The following DAB2IP variants were observed in gnomAD, a reference collection of about 807,000 sequenced individuals.
DAB2IP encodes DAB2 interacting protein.
In DAB2IP, 28 loss-of-function variants were observed where a neutral mutation model predicts 107.2. That is an observed-to-expected ratio of 0.26 (90% confidence interval 0.19 to 0.36). The LOEUF (loss-of-function observed/expected upper bound fraction) is 0.36. Among genes scored for constraint, DAB2IP ranks in the 10% least tolerant of loss-of-function variants. The probability of loss-of-function intolerance (pLI) is 1.00; values close to 1 mark genes in which losing one functional copy is unlikely to be tolerated. For missense variants in DAB2IP, 1,400 were observed against 1,644.7 expected, an observed-to-expected ratio of 0.85 and a Z score of 2.57; for synonymous variants, 755 against 706.4, an observed-to-expected ratio of 1.07 and a Z score of -1.09.
chr9:121,783,512 CTG>C (rs764067943), exon 16 of DAB2IP: 204 of 1,614,030 alleles, frequency 1.3e-4, no homozygotes, highest in Non-Finnish European at 1.6e-4. Context: ...AGGTGGATAA[CTG>C]TGATTTTTTT....
chr9:121,754,838 G>T (rs1833365625), intron 3 of DAB2IP, among the ~76,000 whole-genome samples: 1 of 152,180 alleles, frequency 6.6e-6, no homozygotes, highest in Non-Finnish European at 1.5e-5. Context: ...TCCACAGCCA[G>T]CTCATTCATG....
chr9:121,629,112 A>C (rs1831777557), intron 1 of DAB2IP, among the ~76,000 whole-genome samples: 2 of 152,190 alleles, frequency 1.3e-5, no homozygotes, highest in Non-Finnish European at 2.9e-5. Context: ...AGACTCAGTG[A>C]TGGACCCAAG....
chr9:121,676,156 C>A (rs1833895991), intron 1 of DAB2IP, among the ~76,000 whole-genome samples: 2 of 152,204 alleles, frequency 1.3e-5, no homozygotes, highest in African/African-American at 2.4e-5. Flanking sequence ...CGGGCCTGAA[C>A]CAGTCTCAGG....
At chr9:121,710,496 C>G (rs1830286516) in intron 3 of DAB2IP, among the ~76,000 whole-genome samples, 1 of 152,228 alleles carries the variant, frequency 6.6e-6, no homozygotes, top group East Asian at 1.9e-4. Context: ...TTCTGTGGCT[C>G]CCCCAGGGTT....
intron 1 of DAB2IP, among the ~76,000 whole-genome samples, chr9:121,569,096 A>AG (rs780028597): frequency 3.2e-4 from 49 of 152,296 alleles, no homozygotes; most frequent in Non-Finnish European, 6.2e-4. Context: ...CCAGCTGGAG[A>AG]GGGGTCTGGC....
At chr9:121,657,864 T>A (rs1833032892) in intron 1 of DAB2IP, among the ~76,000 whole-genome samples, 1 of 152,196 alleles carries the variant, frequency 6.6e-6, no homozygotes, top group South Asian at 2.1e-4. Flanking sequence ...AGATGGATAC[T>A]TATGGCTCCA....
chr9:121,587,635 A>G (rs1260951245), intron 1 of DAB2IP, among the ~76,000 whole-genome samples: 1 of 150,920 alleles, frequency 6.6e-6, no homozygotes, highest in Non-Finnish European at 1.5e-5. Flanking sequence ...AAAAAAGAAT[A>G]GGGTTGAGAG....
At chr9:121,783,480 C>A (rs1280099111) in exon 16 of DAB2IP, 1 of 1,613,938 alleles carries the variant, frequency 6.2e-7, no homozygotes, top group Non-Finnish European at 8.5e-7. Context: ...AAAAAAGATT[C>A]TAACGCCTGC....
chr9:121,780,833 T>C (rs1295849468), intron 14 of DAB2IP, among the ~76,000 whole-genome samples: 1 of 152,136 alleles, frequency 6.6e-6, no homozygotes, highest in Non-Finnish European at 1.5e-5. Flanking sequence ...CTACTGCTCA[T>C]TGTTCTGCCT....
intron 3 of DAB2IP, among the ~76,000 whole-genome samples, chr9:121,732,435 A>T (rs1221518787): frequency 2.0e-5 from 3 of 152,164 alleles, no homozygotes; most frequent in African/African-American, 7.2e-5. Flanking sequence ...GGGGCCTGGC[A>T]GGCGGAGGTG....
intron 3 of DAB2IP, among the ~76,000 whole-genome samples, chr9:121,749,525 C>A (rs1055570943): frequency 2.0e-5 from 3 of 152,306 alleles, no homozygotes; most frequent in Admixed American, 6.5e-5. Context: ...CAGGATTTCT[C>A]TTCCTTCCAG....
At chr9:121,579,253 G>A (rs1396868336) in intron 1 of DAB2IP, among the ~76,000 whole-genome samples, 1 of 152,170 alleles carries the variant, frequency 6.6e-6, no homozygotes, top group Non-Finnish European at 1.5e-5. Context: ...ATCTAGCAGA[G>A]AATGAGGCCT....
chr9:121,567,815 G>A (rs1405887913), intron 1 of DAB2IP, among the ~76,000 whole-genome samples: 2 of 152,154 alleles, frequency 1.3e-5, no homozygotes, highest in East Asian at 3.9e-4. Context: ...TATAAGACTC[G>A]GAAGGGTTCC....
rs549888696 is a variant in DAB2IP, at chr9:121,776,732, G to A, written c.3314+341G>A. On this transcript the variant is annotated intron_variant, in intron 14 of 15. Transcript: ENST00000408936. The surrounding 1 kb of genome is among the most constrained non-coding windows in gnomAD (Gnocchi z 5.4). ...GGATTGGGGGGTGCCAGGAAAGACA[G>A]GGAGGACCCCAATACAGGGTAAGAA... is the stretch of plus-strand genomic sequence containing the variant. Among the ~76,000 whole-genome samples, 69 of 152,208 alleles carry A rather than the reference G, an allele frequency of 4.5e-4. No individual in the cohort carries two copies. The South Asian group carries it at 7.7e-3, about 17-fold the overall frequency.
chr9:121,694,846 GGCAGCAGCCTTGT>G lies in DAB2IP; in HGVS notation c.229-4462_229-4450del, dbSNP rs571565899. Among the ~76,000 whole-genome samples, 53 of 152,286 alleles carry G rather than the reference GGCAGCAGCCTTGT, an allele frequency of 3.5e-4. 1 individual carries two copies. In the East Asian group the frequency reaches 7.1e-3, roughly 21 times the overall value. ...GGAATGAGCTGGGGGGGTGGCACCA[GGCAGCAGCCTTGT>G]GCAGCAGCCTTGTGCAAAAGCCCTG... On this transcript the variant is annotated intron_variant, in intron 2 of 15. Transcript: ENST00000408936.
chr9:121,708,078 G>T (rs1830151070), intron 3 of DAB2IP, among the ~76,000 whole-genome samples: 1 of 152,208 alleles, frequency 6.6e-6, no homozygotes, highest in Non-Finnish European at 1.5e-5. Flanking sequence ...ATACCCTCTG[G>T]GTGGGGTGGT....
In DAB2IP at chr9:121,701,968, A is replaced by G. The variant is rs905470632; in HGVS notation, c.362+2510A>G. 6.6e-6 allele frequency among the ~76,000 whole-genome samples: 1 copy of G among 152,030 alleles called. No homozygotes were observed. ...GGCTGGGGAGAGGGTAAGTGCCAAGACGCTAGCCTCAGTGAGTGGGTGGGA... is the reference window on the plus strand; with the variant it reads ...GGCTGGGGAGAGGGTAAGTGCCAAGGCGCTAGCCTCAGTGAGTGGGTGGGA... On this transcript the variant is annotated intron_variant, in intron 3 of 15. Coordinates refer to ENST00000408936, the Ensembl canonical transcript of DAB2IP. The surrounding 1 kb of genome is among the most constrained non-coding windows in gnomAD (Gnocchi z 4.7).
At chr9:121,644,882 G>A (rs1832485470) in intron 1 of DAB2IP, among the ~76,000 whole-genome samples, 1 of 152,202 alleles carries the variant, frequency 6.6e-6, no homozygotes, top group African/African-American at 2.4e-5. Context: ...TGACTACAGG[G>A]CCCGTTCAGC....
At chr9:121,740,164 G>C (rs1361133943) in intron 3 of DAB2IP, among the ~76,000 whole-genome samples, 3 of 152,216 alleles carry the variant, frequency 2.0e-5, no homozygotes, top group Non-Finnish European at 2.9e-5. Flanking sequence ...GGCCAGGGAG[G>C]GGCCTGAATG....
Sources: gnomAD v4.1 joint callset for allele counts (sites outside exome capture counted in the v4.1 genomes callset) on GRCh38, gnomAD v4.1.1 for gene constraint, Gnocchi (gnomAD v3.1) non-coding constraint, MANE v1.5 for transcripts, NCBI Gene and HGNC (gene_info 2026-07-23, HGNC 2026-07-21) for gene names.